The following RALGAPA1 variants were observed in gnomAD, a reference collection of about 807,000 sequenced individuals.
The protein encoded by RALGAPA1 is ral GTPase-activating protein subunit alpha-1.
A neutral mutation model predicts 269.6 loss-of-function variants in RALGAPA1; 52 were observed. That is an observed-to-expected ratio of 0.19 (90% CI 0.15 to 0.24). The LOEUF is 0.24. Among genes scored for constraint, RALGAPA1 ranks in the 10% least tolerant of loss-of-function variants. The pLI is 1.00. For synonymous variants in RALGAPA1, 817 were observed against 1,008.3 expected (o/e 0.81, Z 3.60); for missense variants, 1,917 against 3,013.9 (o/e 0.64, Z 8.52).
intron 38 of RALGAPA1, 122 bp downstream of exon 38, chr14:35,572,438 A>G (rs2057276958): frequency 2.8e-6 from 2 of 703,450 alleles, no homozygotes; most frequent in Non-Finnish European, 2.3e-6. Context: ...TCTATGTAAC[A>G]TTTACCCTCA....
rs2067236665 is a variant in RALGAPA1, at chr14:35,700,297, T to C, written c.2272A>G (p.Arg758Gly). Reference sequence around the variant, plus strand: ...GCACATTCACCAATGGATCGGCTTCTCATGGCTTTAAAAAAGGAAAAGAAA... The same window carrying C: ...GCACATTCACCAATGGATCGGCTTCCCATGGCTTTAAAAAAGGAAAAGAAA... The part of the protein sequence containing the change: ...SIVRQKTVAM[R>G]SRSIGECALP... Residue 758 changes from arginine to glycine, a missense_variant, in exon 17 of 42, where the codon AGA becomes GGA. Around this residue, in one of 11 missense-constraint regions of RALGAPA1, gnomAD observed 125 missense variants for 155.7 expected, o/e 0.80. Coordinates refer to ENST00000680220, the MANE Select transcript of RALGAPA1 (RefSeq NM_001346249.2). 1 of 1,511,900 alleles carries C rather than the reference T, an allele frequency of 6.6e-7. No homozygotes were observed. The highest frequency in any genetic ancestry group is 8.8e-7 in the Non-Finnish European group (1 of 1,139,332). 93.7% of individuals were successfully genotyped at this position (1,511,900 alleles called of 1,614,324 possible).
At chr14:35,786,912 CAT>C (rs1235176687) in intron 1 of RALGAPA1, among the ~76,000 whole-genome samples, 1 of 152,142 alleles carries the variant, frequency 6.6e-6, no homozygotes, top group East Asian at 1.9e-4. Context: ...ACGTACATCT[CAT>C]ATATGAGTGT....
At chr14:35,590,070 T>C (rs1413209267) in intron 37 of RALGAPA1, among the ~76,000 whole-genome samples, 1 of 152,214 alleles carries the variant, frequency 6.6e-6, no homozygotes, top group Non-Finnish European at 1.5e-5. Flanking sequence ...TTAAGATAAA[T>C]TCCTGGAACA....
At chr14:35,716,672 T>A (rs904190002) in intron 16 of RALGAPA1, among the ~76,000 whole-genome samples, 6 of 152,132 alleles carry the variant, frequency 3.9e-5, no homozygotes, top group Non-Finnish European at 8.8e-5. Context: ...CCATGGGAGT[T>A]CATATATTGC....
At chr14:35,651,299 T>C (rs962986978) in intron 31 of RALGAPA1, among the ~76,000 whole-genome samples, 1 of 152,006 alleles carries the variant, frequency 6.6e-6, no homozygotes, top group African/African-American at 2.4e-5. Flanking sequence ...AAACAAAAAG[T>C]AACTCTAGAA....
rs773722682 is a variant in RALGAPA1 at position 35,791,904 on chromosome 14, C to CAAAA, written c.107-16163_107-16160dup. Among the ~76,000 whole-genome samples the CAAAA allele has an allele frequency of 2.0e-3, 23 of 11,768 alleles. 5 individuals carry two copies. The highest frequency in any genetic ancestry group is 5.3e-3 in the African/African-American group (23 of 4,328). The allele number at this position is 11,768 out of a possible 152,430, so 7.7% of individuals were successfully genotyped here. On this transcript the variant is annotated intron_variant, in intron 1 of 41. Coordinates refer to ENST00000680220, the MANE Select transcript of RALGAPA1 (RefSeq NM_001346249.2). ...TGGCCGACAGAGCGAGACTCTGTCT[C>CAAAA]AAAAAAAAAAAAAAAAAAAAAAAAA...
At chr14:35,771,083 G>T (rs2074575568) in intron 3 of RALGAPA1, 84 bp from the exon 4 acceptor site, 1 of 570,412 alleles carries the variant, frequency 1.8e-6, no homozygotes, top group Non-Finnish European at 3.1e-6. Flanking sequence ...AAAATTAAAG[G>T]GCTCACTAAG....
intron 19 of RALGAPA1, 104 bp from the exon 20 acceptor site, chr14:35,685,249 G>A: frequency 1.9e-6 from 2 of 1,028,988 alleles, no homozygotes; most frequent in Non-Finnish European, 1.4e-6. Flanking sequence ...CTGAGATTTA[G>A]AGGCTGAAGT....
chr14:35,740,694 G>C (rs146138573), intron 11 of RALGAPA1, among the ~76,000 whole-genome samples: 6,161 of 152,212 alleles, frequency 0.04, 360 homozygotes, highest in African/African-American at 0.12. Context: ...TGTAGTCCCA[G>C]CTACTTGGGT....
chr14:35,647,048 A>G (rs1225367807), intron 31 of RALGAPA1, among the ~76,000 whole-genome samples: 1 of 152,170 alleles, frequency 6.6e-6, no homozygotes, highest in Non-Finnish European at 1.5e-5. Flanking sequence ...TCAATCACAG[A>G]TTCCAGTCTT....
At chr14:35,662,511 A>G (rs2063607646) in intron 27 of RALGAPA1, among the ~76,000 whole-genome samples, 1 of 152,114 alleles carries the variant, frequency 6.6e-6, no homozygotes, top group African/African-American at 2.4e-5. Context: ...AATTGGCCCT[A>G]ATTTTGGAGA....
chr14:35,695,851 G>C (rs1036097285), intron 17 of RALGAPA1, among the ~76,000 whole-genome samples: 1 of 152,128 alleles, frequency 6.6e-6, no homozygotes, highest in Non-Finnish European at 1.5e-5. Flanking sequence ...TGACTGTCAG[G>C]CTGGGTTACC....
Position 35,718,075 on chromosome 14 carries a change from A to G in RALGAPA1, c.2266+3613T>C, listed in dbSNP as rs554818167. Among the ~76,000 whole-genome samples the G allele has an allele frequency of 2.0e-5, 3 of 152,176 alleles. No individual in the cohort carries two copies. In the South Asian group the frequency reaches 6.2e-4, roughly 32 times the overall value. ...AGAATAAGCTTTCCCTGACCTCCCT[A>G]CTTAAAACAGTCGTCCTATGTCCTT... On this transcript the variant is annotated intron_variant, in intron 16 of 41. Transcript: ENST00000680220.
intron 18 of RALGAPA1, 68 bp from the exon 19 acceptor site, chr14:35,686,734 A>T: frequency 1.2e-6 from 1 of 866,080 alleles, no homozygotes; most frequent in East Asian, 3.0e-5. Flanking sequence ...TTTGAAACAA[A>T]CAACAACCCA....
At chr14:35,737,811 G>C (rs981068370) in intron 12 of RALGAPA1, among the ~76,000 whole-genome samples, 1 of 133,204 alleles carries the variant, frequency 7.5e-6, no homozygotes, top group Non-Finnish European at 1.5e-5. Context: ...TCACAGCCAG[G>C]CATGGTGGCT....
At chr14:35,602,098 A>C (rs933069697) in intron 36 of RALGAPA1, among the ~76,000 whole-genome samples, 10 of 152,164 alleles carry the variant, frequency 6.6e-5, no homozygotes, top group Non-Finnish European at 1.5e-5. Flanking sequence ...GGTTTCTTTC[A>C]TTTAGCACAA....
intron 37 of RALGAPA1, among the ~76,000 whole-genome samples, chr14:35,590,646 C>A (rs1409456074): frequency 6.6e-6 from 1 of 152,220 alleles, no homozygotes; most frequent in African/African-American, 2.4e-5. Context: ...CCATATGGAA[C>A]TGTGAGTCAA....
At chr14:35,587,826 G>A (rs187658710) in intron 37 of RALGAPA1, among the ~76,000 whole-genome samples, 58 of 152,212 alleles carry the variant, frequency 3.8e-4, no homozygotes, top group African/African-American at 1.3e-3. Context: ...ATGTAACAAA[G>A]CTGCACGTTG....
At chr14:35,757,475 G>T (rs931902292) in intron 6 of RALGAPA1, among the ~76,000 whole-genome samples, 1 of 152,028 alleles carries the variant, frequency 6.6e-6, no homozygotes, top group African/African-American at 2.4e-5. Context: ...ATGTGACAAA[G>T]GGATGGACAG....
Sources: allele counts gnomAD v4.1 joint callset (sites outside exome capture counted in the v4.1 genomes callset), GRCh38; gene constraint gnomAD v4.1.1; regional missense constraint gnomAD v4.1.1; transcripts MANE v1.5; gene names NCBI Gene and HGNC (gene_info 2026-07-23, HGNC 2026-07-21).